F8: variants seen among roughly 807,000 people sequenced by gnomAD.
F8 encodes the protein coagulation factor VIII, also known as antihemophilic factor.
Under a neutral mutation model 140.6 loss-of-function variants are expected in F8, and 12 were observed. The ratio of observed to expected loss-of-function variants is 0.09; its 90% CI spans 0.05 to 0.14. The LOEUF is 0.14. Among genes scored for constraint, F8 ranks in the 10% least tolerant of loss-of-function variants. The pLI is 1.00. For missense variants in F8, 1,354 were observed against 1,720.7 expected (o/e 0.79, Z 3.77); for synonymous variants, 585 against 614.6 (o/e 0.95, Z 0.71).
chrX:154,844,189 T>C (rs2072545216), intron 25 of F8, among the ~76,000 whole-genome samples: 1 of 112,025 alleles, frequency 8.9e-6, no homozygotes, highest in Admixed American at 9.5e-5. Context: ...TTTTGGTTAC[T>C]GTAGCCGTGT....
At chrX:154,863,735 A>G (rs1466145657) in intron 22 of F8, among the ~76,000 whole-genome samples, 3 of 111,806 alleles carry the variant, frequency 2.7e-5, no homozygotes, top group African/African-American at 9.8e-5. Flanking sequence ...GGTAGAGCTC[A>G]AGAACAAAGA....
intron 24 of F8, among the ~76,000 whole-genome samples, chrX:154,861,421 C>T (rs1557272857): frequency 8.9e-6 from 1 of 111,897 alleles, no homozygotes; most frequent in Non-Finnish European, 1.9e-5. Context: ...TAATGAGAAA[C>T]CTGGAAAGAA....
At chrX:154,887,194 GTGC>G in intron 22 of F8, 3 of 422,302 alleles carry the variant, frequency 7.1e-6, no homozygotes, top group Non-Finnish European at 1.0e-5. Context: ...GGTGTCCCGC[GTGC>G]TGCTGCTGCT....
At chrX:154,913,225 T>G in intron 14 of F8, among the ~76,000 whole-genome samples, 1 of 112,201 alleles carries the variant, frequency 8.9e-6, no homozygotes. Flanking sequence ...ATGTAAAAAA[T>G]TAAATTGTAA....
At chrX:154,969,640 T>A in intron 6 of F8, 88 bp from the exon 7 acceptor site, 1 of 816,539 alleles carries the variant, frequency 1.2e-6, no homozygotes, top group Non-Finnish European at 1.8e-6. Context: ...ACAAATTGAC[T>A]TTAGACACTT....
intron 9 of F8, among the ~76,000 whole-genome samples, chrX:154,963,522 G>A (rs2073407512): frequency 8.9e-6 from 1 of 111,921 alleles, no homozygotes; most frequent in South Asian, 3.7e-4. Flanking sequence ...ACGTGTGCAT[G>A]TGTCTTTATA....
At chrX:154,906,768 G>C (rs900392036) in intron 14 of F8, among the ~76,000 whole-genome samples, 195 bp from the exon 15 acceptor site, 2 of 112,078 alleles carry the variant, frequency 1.8e-5, no homozygotes, top group African/African-American at 6.5e-5. Context: ...TTTGTTCCCT[G>C]TTGTATTCCC....
intron 6 of F8, among the ~76,000 whole-genome samples, chrX:154,971,897 A>G (rs1480355441): frequency 8.9e-6 from 1 of 112,404 alleles, no homozygotes; most frequent in Non-Finnish European, 1.9e-5. Flanking sequence ...TTGTGTATCT[A>G]TATCACAGTT....
chrX:154,848,099 C>T (rs929299043), intron 25 of F8, among the ~76,000 whole-genome samples: 1 of 112,596 alleles, frequency 8.9e-6, no homozygotes, highest in African/African-American at 3.2e-5. Context: ...TGCAGAAGAG[C>T]GAATATTGCT....
intron 1 of F8, among the ~76,000 whole-genome samples, chrX:155,014,950 A>T (rs2073726914): frequency 8.9e-6 from 1 of 112,357 alleles, no homozygotes; most frequent in African/African-American, 3.2e-5. Flanking sequence ...GAAATATAAA[A>T]GCCTAAATAT....
intron 22 of F8, among the ~76,000 whole-genome samples, chrX:154,874,188 A>G (rs2072795409): frequency 8.8e-6 from 1 of 113,061 alleles, no homozygotes; most frequent in Non-Finnish European, 1.9e-5. Flanking sequence ...AAGAAGAAAT[A>G]TAAAAGGCCA....
At chrX:154,977,919 C>T (rs1396411787) in intron 6 of F8, among the ~76,000 whole-genome samples, 2 of 110,304 alleles carry the variant, frequency 1.8e-5, no homozygotes, top group African/African-American at 3.3e-5. Context: ...TTTATAGTGC[C>T]TAATATGTCA....
At chrX:155,007,231 T>C (rs1425228298) in intron 1 of F8, among the ~76,000 whole-genome samples, 6 of 112,566 alleles carry the variant, frequency 5.3e-5, no homozygotes, top group Non-Finnish European at 9.4e-5. Flanking sequence ...AAAGCATCCA[T>C]CTTGAAGGAA....
intron 12 of F8, among the ~76,000 whole-genome samples, chrX:154,952,811 G>A (rs1557280839): frequency 8.9e-6 from 1 of 111,750 alleles, no homozygotes; most frequent in Non-Finnish European, 1.9e-5. Flanking sequence ...CAAAGTGCTG[G>A]GATTACAGGC....
chrX:154,971,831 C>A (rs1936644), intron 6 of F8, among the ~76,000 whole-genome samples: 1,471 of 112,194 alleles, frequency 0.013, 26 homozygotes, highest in African/African-American at 0.045. Flanking sequence ...CAGGCTCATC[C>A]ACGTTGTTGA....
At chrX:154,877,629 A>C (rs890804342) in intron 22 of F8, among the ~76,000 whole-genome samples, 2 of 111,206 alleles carry the variant, frequency 1.8e-5, no homozygotes, top group Non-Finnish European at 3.8e-5. Flanking sequence ...AGTAGCTGGG[A>C]CTACAGGCGA....
intron 14 of F8, among the ~76,000 whole-genome samples, chrX:154,927,764 A>G (rs1471220851): frequency 9.0e-6 from 1 of 111,507 alleles, no homozygotes; most frequent in Non-Finnish European, 1.9e-5. Context: ...TGTTCCTCAA[A>G]CATGGTAAAC....
At chrX:154,953,183 G>T (rs1231583109) in intron 12 of F8, among the ~76,000 whole-genome samples, 1 of 111,663 alleles carries the variant, frequency 9.0e-6, no homozygotes, top group Non-Finnish European at 1.9e-5. Flanking sequence ...GGGCTGAATT[G>T]TGTTCCCCCA....
chrX:154,993,141 T>G lies in F8; in HGVS notation c.396A>C (p.Glu132Asp), dbSNP rs137852388. 336 of 1,206,742 alleles carry G rather than the reference T, an allele frequency of 2.8e-4. No homozygotes were observed. The highest frequency in any genetic ancestry group is 4.7e-4 in the Middle Eastern group (2 of 4,259). ...VSYWKASEGA[E>D]YDDQTSQREK... ...CCCTTTGACTGGTCTGATCATCATATTCAGCTCCTATAGCAGGAAGAAATA... is the reference window on the plus strand; with the variant it reads ...CCCTTTGACTGGTCTGATCATCATAGTCAGCTCCTATAGCAGGAAGAAATA... Residue 132 changes from glutamate (E) to aspartate (D), a missense_variant, in exon 4 of 26, where the codon GAA (glutamate) becomes GAC (aspartate). Coordinates refer to ENST00000360256, the MANE Select transcript of F8 (RefSeq NM_000132.4).
Sources: gnomAD v4.1 joint callset for allele counts (sites outside exome capture counted in the v4.1 genomes callset) on GRCh38, gnomAD v4.1.1 for gene constraint, MANE v1.5 for transcripts, NCBI Gene and HGNC (gene_info 2026-07-23, HGNC 2026-07-21) for gene names.